The following CALB2 variants were observed in gnomAD, a reference collection of about 807,000 sequenced individuals.
The protein encoded by CALB2 is calretinin.
In CALB2, 34 loss-of-function variants were observed where a neutral mutation model predicts 45.9. That is an observed-to-expected ratio of 0.74 (90% confidence interval 0.56 to 0.99). CALB2 has a LOEUF of 0.99. CALB2 is among the 50% of genes least tolerant of loss of function. CALB2 has a pLI of 0.00. For synonymous variants in CALB2, 142 were observed against 129.6 expected (o/e 1.10, Z -0.65); for missense variants, 344 against 339.3 (o/e 1.01, Z -0.11).
In CALB2 at chr16:71,383,409, G is replaced by T. The variant is rs769361644; in HGVS notation, c.442G>T (p.Asp148Tyr). The part of the protein sequence containing the change: ...DLLKKANRPY[D>Y]EPKLQEYTQT... The stretch of plus-strand genomic sequence containing the variant: ...GCTGAAGAAGGCGAACCGGCCGTAC[G>T]ATGAGCCCAAGCTCCAGGAATACAC... The change falls in exon 6 of 11, where the codon GAT (aspartate) becomes TAT (tyrosine). Residue 148 changes from aspartate to tyrosine, a missense_variant. Asp to Tyr is a radical substitution (Grantham distance 160). Around this residue, in one of 3 missense-constraint regions of CALB2, gnomAD observed 263 missense variants for 241.7 expected, o/e 1.09. Coordinates refer to ENST00000302628, the MANE Select transcript of CALB2 (RefSeq NM_001740.5). The T allele has an allele frequency of 3.1e-6, 5 of 1,614,124 alleles. No homozygotes were observed. Among genetic ancestry groups the T allele is most frequent in the Non-Finnish European group, 4.2e-6 (5 of 1,180,000 alleles).
At chr16:71,381,838 G>A (rs1044880184) in intron 4 of CALB2, among the ~76,000 whole-genome samples, 1 of 151,940 alleles carries the variant, frequency 6.6e-6, no homozygotes, top group African/African-American at 2.4e-5. Flanking sequence ...AACATAGTGA[G>A]ACCCCATCTC....
chr16:71,369,539 G>A (rs973851881), intron 1 of CALB2, among the ~76,000 whole-genome samples: 2 of 152,146 alleles, frequency 1.3e-5, no homozygotes, highest in East Asian at 1.9e-4. Context: ...GCTGCTCTGC[G>A]GGCTTCCCCT....
At chr16:71,367,658 T>C (rs1450764089) in intron 1 of CALB2, among the ~76,000 whole-genome samples, 2 of 152,142 alleles carry the variant, frequency 1.3e-5, no homozygotes, top group Admixed American at 6.5e-5. Flanking sequence ...CCATTGATGC[T>C]CTTGGGAAAT....
intron 1 of CALB2, among the ~76,000 whole-genome samples, chr16:71,363,963 G>C (rs1246784280): frequency 6.6e-6 from 1 of 152,136 alleles, no homozygotes; most frequent in Non-Finnish European, 1.5e-5. Flanking sequence ...GTGATGTCAG[G>C]ATATGAGGCT....
intron 1 of CALB2, among the ~76,000 whole-genome samples, chr16:71,364,121 G>A (rs2042259264): frequency 6.6e-6 from 1 of 152,162 alleles, no homozygotes; most frequent in African/African-American, 2.4e-5. Flanking sequence ...TCTACGCTGG[G>A]TACCTCCAGG....
chr16:71,389,317 T>G (rs1462020196), intron 10 of CALB2, among the ~76,000 whole-genome samples: 1 of 152,206 alleles, frequency 6.6e-6, no homozygotes, highest in Non-Finnish European at 1.5e-5. Flanking sequence ...TGAGCCAGTT[T>G]GGCCTTGAGT....
At position 71,377,741 on chromosome 16, in the gene CALB2, T is replaced by C. The variant is rs749852827; in HGVS notation, c.336T>C (p.Phe112=). 6.2e-6 allele frequency: 10 copies of C among 1,613,440 alleles called. No homozygotes were observed. The Admixed American group carries it at 1.2e-4, about 19-fold the overall frequency. The part of the protein sequence containing the change: ...FRQHVGSSAE[F]MEAWRKYDTD... The stretch of plus-strand genomic sequence containing the variant: ...AGCACGTGGGCTCCAGCGCCGAGTT[T>C]ATGGAGGTGAGGCCAAGGCACCACC... The change falls in exon 4 of 11, where the codon TTT becomes TTC. Residue 112 remains phenylalanine, a synonymous_variant. Transcript: ENST00000302628.
Position 71,384,024 on chromosome 16 carries a change from C to T in CALB2, c.532C>T (p.Arg178Ter), listed in dbSNP as rs765378633. The T allele has an allele frequency of 8.7e-6, 14 of 1,613,652 alleles. No homozygotes were observed. Among genetic ancestry groups the T allele is most frequent in the South Asian group, 1.1e-5 (1 of 91,078 alleles). Residue 178 changes from arginine to a stop codon, truncating the protein, a stop_gained and splice_region_variant, in exon 7 of 11, where the codon CGA (arginine) becomes TGA (stop). Transcript: ENST00000302628. LOFTEE classifies it high-confidence loss of function. ...CAAATTGGGCCTCTCAGAGATGTCCCGGTAAGCACCTCACCCCCGGGGTCA... is the reference window on the plus strand; with the variant it reads ...CAAATTGGGCCTCTCAGAGATGTCCTGGTAAGCACCTCACCCCCGGGGTCA... ...DGKLGLSEMS[R>*]LLPVQENFLL... is the part of the protein sequence containing the mutation.
At chr16:71,373,737 G>T (rs1421047669) in intron 2 of CALB2, among the ~76,000 whole-genome samples, 1 of 152,204 alleles carries the variant, frequency 6.6e-6, no homozygotes, top group Non-Finnish European at 1.5e-5. Context: ...GTGTCAAATG[G>T]AAGGGCTACT....
intron 1 of CALB2, among the ~76,000 whole-genome samples, chr16:71,361,942 C>T (rs1368280959): frequency 6.6e-6 from 1 of 152,176 alleles, no homozygotes; most frequent in African/African-American, 2.4e-5. Context: ...ACCACTCCAC[C>T]AACTCTGCCT....
intron 9 of CALB2, chr16:71,385,302 G>A (rs1327542531): frequency 4.8e-6 from 2 of 418,864 alleles, no homozygotes; most frequent in Non-Finnish European, 8.5e-6. Flanking sequence ...CCCGGACTCA[G>A]GGAGTTAACC....
chr16:71,372,084 C>T (rs771430252), intron 1 of CALB2, 69 bp from the exon 2 acceptor site: 28 of 1,106,704 alleles, frequency 2.5e-5, no homozygotes, highest in Middle Eastern at 2.0e-4. Context: ...ACGAAGCCCC[C>T]GACATGCCCA....
intron 2 of CALB2, among the ~76,000 whole-genome samples, 164 bp from the exon 3 acceptor site, chr16:71,374,581 A>G (rs962831758): frequency 2.0e-5 from 3 of 152,142 alleles, no homozygotes; most frequent in African/African-American, 7.2e-5. Context: ...TTTGAAGGGA[A>G]CCTGGAAAGG....
chr16:71,376,719 CCA>C (rs2042419783), intron 3 of CALB2, among the ~76,000 whole-genome samples: 1 of 151,994 alleles, frequency 6.6e-6, no homozygotes, highest in African/African-American at 2.4e-5. Flanking sequence ...CCACATACAA[CCA>C]CATACATCCA....
At chr16:71,374,631 C>G (rs2042390642) in intron 2 of CALB2, 114 bp from the exon 3 acceptor site, 2 of 695,466 alleles carry the variant, frequency 2.9e-6, no homozygotes, top group East Asian at 2.7e-5. Flanking sequence ...ATCAGCACAA[C>G]TTGGTTCTGC....
intron 1 of CALB2, among the ~76,000 whole-genome samples, chr16:71,366,433 C>A (rs559789001): frequency 2.2e-4 from 32 of 147,494 alleles, no homozygotes; most frequent in Non-Finnish European, 3.6e-4. Flanking sequence ...TGGGTTCAAG[C>A]AATTCTCGTG....
intron 5 of CALB2, 85 bp downstream of exon 5, chr16:71,382,860 G>A: frequency 8.1e-7 from 1 of 1,235,868 alleles, no homozygotes; most frequent in Non-Finnish European, 1.1e-6. Context: ...TGGATGAGGG[G>A]CATGAGTTTG....
intron 3 of CALB2, among the ~76,000 whole-genome samples, chr16:71,375,461 T>G (rs1182861254): frequency 2.0e-5 from 3 of 152,072 alleles, no homozygotes; most frequent in Non-Finnish European, 2.9e-5. Flanking sequence ...ATCCCAGCAC[T>G]TTGGGAGGCT....
intron 3 of CALB2, 141 bp from the exon 4 acceptor site, chr16:71,377,526 C>T (rs1337614545): frequency 1.4e-5 from 9 of 629,776 alleles, no homozygotes; most frequent in African/African-American, 9.2e-5. Context: ...TGCCAGCACC[C>T]GTTCTCAAGG....
Sources: gnomAD v4.1 joint callset for allele counts (sites outside exome capture counted in the v4.1 genomes callset) on GRCh38, gnomAD v4.1.1 for gene constraint, gnomAD v4.1.1 regional missense constraint, MANE v1.5 for transcripts, NCBI Gene and HGNC (gene_info 2026-07-23, HGNC 2026-07-21) for gene names.